The following ADGRG1 variants were observed in gnomAD, a reference collection of about 807,000 sequenced individuals.
ADGRG1 encodes adhesion G protein-coupled receptor G1.
ADGRG1 carries 53 observed loss-of-function variants against 73.5 expected under a neutral mutation model. The observed-to-expected ratio is 0.72, with a 90% CI of 0.58 to 0.91. The LOEUF is 0.91. Among genes scored for constraint, ADGRG1 ranks in the 40% least tolerant of loss-of-function variants. The pLI is 0.00. For missense variants in ADGRG1, 795 were observed against 871.8 expected, an observed-to-expected ratio of 0.91 and a Z score of 1.11; for synonymous variants, 394 against 374.4, an observed-to-expected ratio of 1.05 and a Z score of -0.60.
intron 1 of ADGRG1, chr16:57,632,478 G>C: frequency 3.2e-6 from 1 of 311,434 alleles, no homozygotes; most frequent in Non-Finnish European, 4.7e-6. Context: ...TTTCCCATAC[G>C]TGGGAATGTT....
At chr16:57,631,227 A>G (rs55851794) in intron 1 of ADGRG1, 399,306 of 986,388 alleles carry the variant, frequency 0.4, 81,615 homozygotes, top group East Asian at 0.57. Context: ...GGGTTGGTGT[A>G]GGGGTTGGCC....
chr16:57,655,613 C>A, intron 6 of ADGRG1, 83 bp downstream of exon 6: 2 of 1,603,236 alleles, frequency 1.2e-6, no homozygotes, highest in South Asian at 2.2e-5. Context: ...CAGATGAGCT[C>A]CTTCCTCTGG....
rs544385725 is a variant in ADGRG1 at position 57,636,175 on chromosome 16, C to T, written c.-36+7373C>T. On this transcript the variant is annotated intron_variant, in intron 1 of 13. Coordinates refer to ENST00000562631, the MANE Select transcript of ADGRG1 (RefSeq NM_201525.4). ...CTTTGCACATCTGCTACCTGGGCTC[C>T]CCTTAGGCCCGAACCACAGGAGTGG... is the stretch of plus-strand genomic sequence containing the variant. 112 of 985,250 alleles carry T rather than the reference C, an allele frequency of 1.1e-4. 1 individual carries two copies. The South Asian group carries it at 4.8e-3, about 42-fold the overall frequency. 61.0% of individuals were successfully genotyped at this position (985,250 alleles called of 1,614,324 possible).
In ADGRG1 at chr16:57,650,267, GAGTGACTCCGTCGGAGGAA is replaced by G. The variant is rs1322014578; in HGVS notation, c.-19_-1del. 5 of 1,611,820 alleles carry G rather than the reference GAGTGACTCCGTCGGAGGAA, an allele frequency of 3.1e-6. No individual in the cohort carries two copies. Among genetic ancestry groups the G allele is most frequent in the Middle Eastern group, 1.6e-4 (1 of 6,062 alleles). On this transcript the variant is annotated 5_prime_UTR_variant, in exon 2 of 14. Coordinates refer to ENST00000562631, the MANE Select transcript of ADGRG1 (RefSeq NM_201525.4). ...GTCTCTTCCAGGTGGTGACTTCCAA[GAGTGACTCCGTCGGAGGAA>G]AATGACTCCCCAGTCGCTGCTGCAG...
At chr16:57,631,560 C>T in intron 1 of ADGRG1, 2 of 985,448 alleles carry the variant, frequency 2.0e-6, no homozygotes, top group Non-Finnish European at 2.4e-6. Context: ...CAGGGCTCAG[C>T]CCCCGTCCCC....
chr16:57,628,963 A>C (rs7500932), intron 1 of ADGRG1, 161 bp downstream of exon 1: 2 of 592,172 alleles, frequency 3.4e-6, no homozygotes, highest in Admixed American at 7.7e-5. Flanking sequence ...AGAGTGTGTG[A>C]GTGTGAGTGT....
At position 57,665,425 on chromosome 16, in the gene ADGRG1, T is replaced by A. The variant is rs2048026023; in HGVS notation, c.*1843T>A. 6.6e-6 allele frequency: 1 copy of A among 152,240 alleles called. No homozygotes were observed. Among genetic ancestry groups the A allele is most frequent in the Non-Finnish European group, 1.5e-5 (1 of 68,052 alleles). 9.4% of individuals were successfully genotyped at this position (152,240 alleles called of 1,614,324 possible). A position where few individuals can be genotyped will look rare whatever the true frequency, so the allele number is the denominator to read the frequency against. ...ACTGTGGTTTGACATCCCCTGATTTTAAAATTTTGGCGAATCCAAAACATT... is the reference window on the plus strand; with the variant it reads ...ACTGTGGTTTGACATCCCCTGATTTAAAAATTTTGGCGAATCCAAAACATT... On this transcript the variant is annotated 3_prime_UTR_variant, in exon 14 of 14. Coordinates refer to ENST00000562631, the MANE Select transcript of ADGRG1 (RefSeq NM_201525.4).
rs143204085 is a variant in ADGRG1 at position 57,643,690 on chromosome 16, A to G, written c.-35-6563A>G. 1.5e-4 allele frequency: 147 copies of G among 985,086 alleles called. No homozygotes were observed. In the East Asian group the frequency reaches 3.9e-3, roughly 26 times the overall value. 61.0% of individuals were successfully genotyped at this position (985,086 alleles called of 1,614,324 possible). ...GCTTCATTTTATTCTCCTTTATTGT[A>G]GGAAAATTCCTGAAAACTGAAGTCA... On this transcript the variant is annotated intron_variant, in intron 1 of 13. Coordinates refer to ENST00000562631, the MANE Select transcript of ADGRG1 (RefSeq NM_201525.4).
chr16:57,623,787 G>A, upstream of ADGRG1: 1 of 985,298 alleles, frequency 1.0e-6, no homozygotes, highest in Non-Finnish European at 1.2e-6. Context: ...GCGTTATCAT[G>A]GGACTATGGG....
upstream of ADGRG1, chr16:57,625,592 C>T (rs528787884): frequency 9.3e-5 from 91 of 979,866 alleles, no homozygotes; most frequent in Non-Finnish European, 9.7e-5. Context: ...AAGTCCCTGG[C>T]GTCTAGACCA....
intron 1 of ADGRG1, chr16:57,635,648 C>G (rs1265472002): frequency 1.3e-5 from 13 of 984,304 alleles, no homozygotes; most frequent in Non-Finnish European, 1.6e-5. Context: ...CGCCCCTGTT[C>G]CCTGGGCCGT....
rs774109607 is a variant in ADGRG1 at position 57,653,246 on chromosome 16, C to A, written c.531C>A (p.Cys177Ter). 1 of 1,612,306 alleles carries A rather than the reference C, an allele frequency of 6.2e-7. No homozygotes were observed. Among genetic ancestry groups the A allele is most frequent in the Non-Finnish European group, 8.5e-7 (1 of 1,179,932 alleles). Residue 177 changes from cysteine (C) to a stop codon, truncating the protein, a stop_gained, in exon 4 of 14, where the codon TGC becomes TGA. Transcript: ENST00000562631. LOFTEE classifies it high-confidence loss of function. ...CTCACAATGCCTCGGTGGACATGTGCGAGCTCAAAAGGGACCTCCAGCTGC... is the reference window on the plus strand; with the variant it reads ...CTCACAATGCCTCGGTGGACATGTGAGAGCTCAAAAGGGACCTCCAGCTGC... ...TAAHNASVDM[C>*]ELKRDLQLLS...
intron 9 of ADGRG1, 92 bp from the exon 10 acceptor site, chr16:57,657,281 C>G (rs770788833): frequency 5.6e-4 from 887 of 1,595,504 alleles, no homozygotes; most frequent in Non-Finnish European, 6.6e-4. Flanking sequence ...CCGAGGCCCA[C>G]CAGGGACCCC....
intron 3 of ADGRG1, chr16:57,652,628 A>T: frequency 1.0e-6 from 1 of 984,816 alleles, no homozygotes; most frequent in Non-Finnish European, 1.2e-6. Flanking sequence ...ATCACCTAAA[A>T]CCCAGGCTTT....
intron 10 of ADGRG1, 76 bp from the exon 11 acceptor site, chr16:57,659,337 C>G (rs899429065): frequency 1.9e-5 from 31 of 1,608,430 alleles, no homozygotes; most frequent in Non-Finnish European, 2.5e-5. Context: ...TCTGGGAAGG[C>G]TTCCTGGAGG....
intron 1 of ADGRG1, chr16:57,642,140 G>A (rs1449968746): frequency 1.0e-6 from 1 of 985,124 alleles, no homozygotes; most frequent in Admixed American, 6.1e-5. Context: ...CCAACATCCT[G>A]AGTGTCTTAG....
intron 10 of ADGRG1, 129 bp from the exon 11 acceptor site, chr16:57,659,284 G>A (rs2046472395): frequency 2.6e-6 from 4 of 1,557,854 alleles, no homozygotes; most frequent in Non-Finnish European, 3.5e-6. Context: ...GAATAGGATA[G>A]GGGCCATGTA....
At chr16:57,642,518 A>G (rs1825027389) in intron 1 of ADGRG1, 3 of 981,948 alleles carry the variant, frequency 3.1e-6, no homozygotes, top group Non-Finnish European at 2.4e-6. Context: ...CGTGCAAAAA[A>G]GGCTCTACCT....
chr16:57,631,850 C>T, intron 1 of ADGRG1: 3 of 981,280 alleles, frequency 3.1e-6, no homozygotes, highest in Non-Finnish European at 3.6e-6. Flanking sequence ...TTGAGGCCCC[C>T]AGGGGAGCCC....
Sources: allele counts gnomAD v4.1 joint callset, GRCh38; gene constraint gnomAD v4.1.1; transcripts MANE v1.5; gene names NCBI Gene and HGNC (gene_info 2026-07-23, HGNC 2026-07-21).